The following GLDC variants were observed in gnomAD, a reference collection of about 807,000 sequenced individuals.
GLDC encodes glycine dehydrogenase (decarboxylating), mitochondrial.
Under a neutral mutation model 121.3 loss-of-function variants are expected in GLDC, and 104 were observed. The ratio of observed to expected loss-of-function variants is 0.86; its 90% CI spans 0.73 to 1.01. The LOEUF (loss-of-function observed/expected upper bound fraction) is 1.01, where lower values mean the gene tolerates loss of function less well. Among genes scored for constraint, GLDC ranks in the 50% least tolerant of loss-of-function variants. The pLI, the probability that GLDC is intolerant of heterozygous loss-of-function variation, is 0.00. For synonymous variants in GLDC, 546 were observed against 480.6 expected, an observed-to-expected ratio of 1.14 and a Z score of -1.78; for missense variants, 1,429 against 1,306.6, an observed-to-expected ratio of 1.09 and a Z score of -1.44.
rs368345420 is a variant in GLDC, at chr9:6,594,493, C to T, written c.1261+521G>A. ...GACGGATTTCTTGAGGTCAGGAATT[C>T]GAGACCAGCCTGGAAAACATGGCAA... On this transcript the variant is annotated intron_variant, in intron 9 of 24. Transcript: ENST00000321612. Among the ~76,000 whole-genome samples, 52 of 152,054 alleles carry T rather than the reference C, an allele frequency of 3.4e-4. 1 individual carries two copies. The South Asian group carries it at 8.7e-3, about 26-fold the overall frequency.
chr9:6,578,380 G>C (rs1818113261), intron 15 of GLDC, among the ~76,000 whole-genome samples: 1 of 151,328 alleles, frequency 6.6e-6, no homozygotes, highest in African/African-American at 2.4e-5. Flanking sequence ...GACTCCCAAA[G>C]TGTTGGGATT....
chr9:6,583,077 G>C (rs188120381), intron 15 of GLDC, among the ~76,000 whole-genome samples: 110 of 152,242 alleles, frequency 7.2e-4, no homozygotes, highest in African/African-American at 2.6e-3. Context: ...ATGTTGGTGG[G>C]GGACGTGGAG....
intron 3 of GLDC, among the ~76,000 whole-genome samples, chr9:6,610,964 A>T (rs1180419391): frequency 1.3e-5 from 2 of 152,262 alleles, no homozygotes; most frequent in Non-Finnish European, 2.9e-5. Flanking sequence ...AAAAGACCTC[A>T]TTCACATTTT....
At chr9:6,602,356 C>T (rs879178005) in intron 7 of GLDC, 151 bp from the exon 8 acceptor site, 59 of 673,978 alleles carry the variant, frequency 8.8e-5, no homozygotes, top group South Asian at 8.4e-4. Flanking sequence ...CTAAACGTTC[C>T]TCATCTAAAC....
At chr9:6,624,063 A>AT (rs1175201195) in intron 2 of GLDC, among the ~76,000 whole-genome samples, 1 of 152,214 alleles carries the variant, frequency 6.6e-6, no homozygotes, top group Non-Finnish European at 1.5e-5. Context: ...GCTGGATAGT[A>AT]TGATTCTTTT....
At chr9:6,607,325 G>A (rs1818755473) in intron 4 of GLDC, among the ~76,000 whole-genome samples, 1 of 152,192 alleles carries the variant, frequency 6.6e-6, no homozygotes. Flanking sequence ...GCTCACACCT[G>A]TAATCCCAGC....
intron 2 of GLDC, among the ~76,000 whole-genome samples, chr9:6,635,198 T>C (rs1819475401): frequency 6.6e-6 from 1 of 152,210 alleles, no homozygotes; most frequent in Non-Finnish European, 1.5e-5. Flanking sequence ...CTTTATCATC[T>C]TTTACCTCCT....
chr9:6,606,537 A>G (rs944356547), intron 5 of GLDC, 55 bp downstream of exon 5: 3 of 1,009,988 alleles, frequency 3.0e-6, no homozygotes, highest in Non-Finnish European at 4.8e-6. Context: ...AGAAAGAAAC[A>G]GCAGAGATGA....
intron 21 of GLDC, chr9:6,540,440 G>A (rs369933960): frequency 4.9e-6 from 2 of 404,788 alleles, no homozygotes; most frequent in Non-Finnish European, 4.6e-6. Context: ...ACATATGACC[G>A]GAGGTGTCTG....
chr9:6,611,517 C>T (rs1818856196), intron 3 of GLDC, among the ~76,000 whole-genome samples: 2 of 149,482 alleles, frequency 1.3e-5, no homozygotes, highest in Non-Finnish European at 2.9e-5. Flanking sequence ...GATCACGCCA[C>T]TGTACTCCAG....
Position 6,532,931 on chromosome 9 carries a change from C to G in GLDC, c.*86G>C, listed in dbSNP as rs1403658914. Reference sequence around the variant, plus strand: ...CAGTATATAAAACTCCTACTTGAGGCTGGGGTGGGAGATGAAATCTTTCTT... The same window carrying G: ...CAGTATATAAAACTCCTACTTGAGGGTGGGGTGGGAGATGAAATCTTTCTT... On this transcript the variant is annotated 3_prime_UTR_variant, in exon 25 of 25. Transcript: ENST00000321612. 1 of 934,490 alleles carries G rather than the reference C, an allele frequency of 1.1e-6. No individual in the cohort carries two copies. The highest frequency in any genetic ancestry group is 2.4e-5 in the East Asian group (1 of 41,748). 57.9% of individuals were successfully genotyped at this position (934,490 alleles called of 1,614,324 possible). A position where few individuals can be genotyped will look rare whatever the true frequency, so the allele number is the denominator to read the frequency against.
chr9:6,642,738 A>G (rs1453106565), intron 2 of GLDC, among the ~76,000 whole-genome samples: 1 of 152,086 alleles, frequency 6.6e-6, no homozygotes, highest in Non-Finnish European at 1.5e-5. Context: ...TTTAGAGTAT[A>G]TATATTATAA....
chr9:6,619,607 A>G (rs371603004), intron 3 of GLDC, among the ~76,000 whole-genome samples: 8 of 152,264 alleles, frequency 5.3e-5, no homozygotes, highest in Non-Finnish European at 7.4e-5. Context: ...GGGTGCCTGT[A>G]ATCCCAGCTA....
chr9:6,624,293 T>C (rs181843828), intron 2 of GLDC, among the ~76,000 whole-genome samples: 34 of 152,324 alleles, frequency 2.2e-4, no homozygotes, highest in Non-Finnish European at 4.3e-4. Flanking sequence ...TCTCCACTGA[T>C]GTAACCAAGT....
At chr9:6,619,120 G>A (rs993388211) in intron 3 of GLDC, among the ~76,000 whole-genome samples, 2 of 122,084 alleles carry the variant, frequency 1.6e-5, no homozygotes, top group African/African-American at 6.5e-5. Context: ...TCCAGCCTGG[G>A]CAACAGAGTG....
chr9:6,638,107 G>T (rs899072490), intron 2 of GLDC, among the ~76,000 whole-genome samples: 8 of 151,960 alleles, frequency 5.3e-5, no homozygotes, highest in African/African-American at 1.9e-4. Context: ...GGATGATCCC[G>T]CAACAACATT....
chr9:6,549,093 A>C (rs1817456148), intron 21 of GLDC, among the ~76,000 whole-genome samples: 1 of 152,216 alleles, frequency 6.6e-6, no homozygotes, highest in Non-Finnish European at 1.5e-5. Context: ...TTATAGACAA[A>C]GGTTCCTTTT....
At chr9:6,616,760 T>C (rs913533865) in intron 3 of GLDC, among the ~76,000 whole-genome samples, 1 of 152,232 alleles carries the variant, frequency 6.6e-6, no homozygotes, top group Non-Finnish European at 1.5e-5. Context: ...TCAGCTCAAA[T>C]AGGATGCTTG....
At chr9:6,606,498 C>G in intron 5 of GLDC, 94 bp downstream of exon 5, 1 of 870,058 alleles carries the variant, frequency 1.1e-6, no homozygotes, top group Non-Finnish European at 2.0e-6. Context: ...GTTTCAGATT[C>G]ACCTCCAATC....
Sources: gnomAD v4.1 joint callset for allele counts (sites outside exome capture counted in the v4.1 genomes callset) on GRCh38, gnomAD v4.1.1 for gene constraint, MANE v1.5 for transcripts, NCBI Gene and HGNC (gene_info 2026-07-23, HGNC 2026-07-21) for gene names.